PPP1R15B: variants seen among roughly 807,000 people sequenced by gnomAD.
PPP1R15B encodes the protein protein phosphatase 1 regulatory subunit 15B.
Under a neutral mutation model 53.9 loss-of-function variants are expected in PPP1R15B, and 31 were observed. The ratio of observed to expected loss-of-function variants is 0.58; its 90% CI spans 0.43 to 0.78. The LOEUF (loss-of-function observed/expected upper bound fraction) is 0.78, where lower values mean the gene tolerates loss of function less well. Among genes scored for constraint, PPP1R15B ranks in the 30% least tolerant of loss-of-function variants. The pLI is 0.00. For synonymous variants in PPP1R15B, 345 were observed against 329.1 expected (o/e 1.05, Z -0.52); for missense variants, 928 against 849.6 (o/e 1.09, Z -1.15).
downstream of PPP1R15B, among the ~76,000 whole-genome samples, chr1:204,402,186 A>C (rs1674189183): frequency 6.6e-6 from 1 of 152,170 alleles, no homozygotes; most frequent in Admixed American, 6.6e-5. Flanking sequence ...ACTGCAACTA[A>C]ATGTTAGTTT....
Position 204,403,590 on chromosome 1 carries a change from T to C in PPP1R15B, c.*2502A>G. Reference sequence around the variant, plus strand: ...GATAGTTTTGATTTCAAGTTAAAGATGAAGAAGTGTTACATTTCATCACTC... The same window carrying C: ...GATAGTTTTGATTTCAAGTTAAAGACGAAGAAGTGTTACATTTCATCACTC... On this transcript the variant is annotated 3_prime_UTR_variant, in exon 2 of 2. Transcript: ENST00000367188. 1.0e-6 allele frequency: 1 copy of C among 985,178 alleles called. No individual in the cohort carries two copies. The highest frequency in any genetic ancestry group is 1.2e-6 in the Non-Finnish European group (1 of 829,308). 61.0% of individuals were successfully genotyped at this position (985,178 alleles called of 1,614,324 possible). A position where few individuals can be genotyped will look rare whatever the true frequency, so the allele number is the denominator to read the frequency against.
rs200915717 is a variant in PPP1R15B at position 204,405,620 on chromosome 1, T to TA, written c.*471dup. On this transcript the variant is annotated 3_prime_UTR_variant, in exon 2 of 2. Coordinates refer to ENST00000367188, the MANE Select transcript of PPP1R15B (RefSeq NM_032833.5). ...ACATAGACAGGCCAAATCATTGAAA[T>TA]AAAAAAAATATAGAAAAACATAAAA... 6 of 980,620 alleles carry TA rather than the reference T, an allele frequency of 6.1e-6. No homozygotes were observed. The highest frequency in any genetic ancestry group is 3.5e-5 in the African/African-American group (2 of 56,822). The allele number at this position is 980,620 out of a possible 1,614,324, so 60.7% of individuals were successfully genotyped here. A position where few individuals can be genotyped will look rare whatever the true frequency, so the allele number is the denominator to read the frequency against.
At chr1:204,400,343 T>C (rs1217199131), downstream of PPP1R15B, among the ~76,000 whole-genome samples, 1 of 150,134 alleles carries the variant, frequency 6.7e-6, no homozygotes. Context: ...TTAATCCATC[T>C]TTTTTATTTT....
At position 204,405,748 on chromosome 1, in the gene PPP1R15B, T is replaced by C; in HGVS notation, c.*344A>G. ...AGAAATGAAAATGGGCTTTAAGCCC[T>C]ATAAATATTGTTTTCCAAGAAAATA... On this transcript the variant is annotated 3_prime_UTR_variant, in exon 2 of 2. Transcript: ENST00000367188. 1 of 1,025,582 alleles carries C rather than the reference T, an allele frequency of 9.8e-7. No individual in the cohort carries two copies. The highest frequency in any genetic ancestry group is 1.2e-6 in the Non-Finnish European group (1 of 853,612). 63.5% of individuals were successfully genotyped at this position (1,025,582 alleles called of 1,614,324 possible).
chr1:204,407,354 TA>T (rs567683464), intron 1 of PPP1R15B, among the ~76,000 whole-genome samples: 3 of 152,308 alleles, frequency 2.0e-5, no homozygotes, highest in African/African-American at 7.2e-5. Flanking sequence ...GCTATCACTA[TA>T]TATGAAATTG....
In PPP1R15B at chr1:204,411,624, C is replaced by T. The variant is rs1238979810; in HGVS notation, c.-213G>A. On this transcript the variant is annotated 5_prime_UTR_variant, in exon 1 of 2. Transcript: ENST00000367188. ...GAAGAACAGCCCGCGCAATAGGCGGCGACTGATGCGACTTCCATCCTGGCG... is the reference window on the plus strand; with the variant it reads ...GAAGAACAGCCCGCGCAATAGGCGGTGACTGATGCGACTTCCATCCTGGCG... 3.2e-6 allele frequency: 2 copies of T among 615,630 alleles called. No individual in the cohort carries two copies. Among genetic ancestry groups the T allele is most frequent in the African/African-American group, 1.8e-5 (1 of 54,144 alleles). The allele number at this position is 615,630 out of a possible 1,614,324, so 38.1% of individuals were successfully genotyped here.
At chr1:204,399,745 T>G (rs1431943575), downstream of PPP1R15B, among the ~76,000 whole-genome samples, 1 of 151,932 alleles carries the variant, frequency 6.6e-6, no homozygotes, top group African/African-American at 2.4e-5. Context: ...GAACATAATT[T>G]TAAAAGGTAC....
In PPP1R15B at chr1:204,411,505, G is replaced by C. The variant is rs1370558892; in HGVS notation, c.-94C>G. On this transcript the variant is annotated 5_prime_UTR_variant, in exon 1 of 2. Transcript: ENST00000367188. The stretch of plus-strand genomic sequence containing the variant: ...AGGAAGCCTACAGAGTCTCGGCCTT[G>C]CCCAGCGGTGGCGTCGCTGCTCCAG... The C allele has an allele frequency of 5.8e-5, 86 of 1,484,894 alleles. No homozygotes were observed. The highest frequency in any genetic ancestry group is 7.7e-5 in the Non-Finnish European group (86 of 1,114,804). 92.0% of individuals were successfully genotyped at this position (1,484,894 alleles called of 1,614,324 possible).
At position 204,411,154 on chromosome 1, in the gene PPP1R15B, T is replaced by C. The variant is rs368521809; in HGVS notation, c.258A>G (p.Gln86=). The change falls in exon 1 of 2, where the codon CAA becomes CAG. Residue 86 remains glutamine, a synonymous_variant. Transcript: ENST00000367188. ...GLLQKVLIWS[Q]LFGGMFPTRW... ...TGGTCGGAAACATTCCACCGAAAAGTTGGCTCCAAATTAGCACCTTCTGAA... is the reference window on the plus strand; with the variant it reads ...TGGTCGGAAACATTCCACCGAAAAGCTGGCTCCAAATTAGCACCTTCTGAA... 122 of 1,614,066 alleles carry C rather than the reference T, an allele frequency of 7.6e-5. No homozygotes were observed. Among genetic ancestry groups the C allele is most frequent in the Non-Finnish European group, 9.7e-5 (115 of 1,180,046 alleles).
At chr1:204,402,217 T>A (rs1674189512), downstream of PPP1R15B, among the ~76,000 whole-genome samples, 1 of 152,216 alleles carries the variant, frequency 6.6e-6, no homozygotes, top group African/African-American at 2.4e-5. Context: ...AGTTCAGAAA[T>A]ATATCTTAAT....
downstream of PPP1R15B, among the ~76,000 whole-genome samples, chr1:204,399,358 C>T (rs1028088954): frequency 4.6e-5 from 7 of 152,082 alleles, no homozygotes; most frequent in African/African-American, 1.2e-4. Flanking sequence ...CCCAAGAGTT[C>T]GAGACCAGCC....
Position 204,404,753 on chromosome 1 carries a change from CCTGT to C in PPP1R15B, c.*1335_*1338del. On this transcript the variant is annotated 3_prime_UTR_variant, in exon 2 of 2. Transcript: ENST00000367188. Reference sequence around the variant, plus strand: ...CCTATTCTACTTATGTTTTCCATTACCTGTGACAGGAAGCACACGGAATGAAAGC... The same window carrying C: ...CCTATTCTACTTATGTTTTCCATTACGACAGGAAGCACACGGAATGAAAGC... 1.0e-6 allele frequency: 1 copy of C among 985,788 alleles called. No homozygotes were observed. Among genetic ancestry groups the C allele is most frequent in the Non-Finnish European group, 1.2e-6 (1 of 829,924 alleles). The allele number at this position is 985,788 out of a possible 1,614,324, so 61.1% of individuals were successfully genotyped here.
downstream of PPP1R15B, among the ~76,000 whole-genome samples, chr1:204,397,829 A>C (rs1674116249): frequency 6.6e-6 from 1 of 152,060 alleles, no homozygotes; most frequent in Non-Finnish European, 1.5e-5. Context: ...AAGAGTAGTC[A>C]TGACGACCTT....
downstream of PPP1R15B, among the ~76,000 whole-genome samples, chr1:204,400,486 C>CTTT (rs11442135): frequency 1.4e-5 from 2 of 143,430 alleles, no homozygotes; most frequent in Non-Finnish European, 3.0e-5. Context: ...ATTTCTTTTT[C>CTTT]TTTTTTTTTT....
Position 204,410,762 on chromosome 1 carries a change from C to A in PPP1R15B, c.650G>T (p.Ser217Ile). The change falls in exon 1 of 2, where the codon AGT (serine) becomes ATT (isoleucine). Residue 217 changes from serine to isoleucine, a missense_variant. Transcript: ENST00000367188. ...AGGGTTCAGCAAATAGGATACCACA[C>A]TGAAATTGTCTATGCGTTGAATGTT... ...PLNIQRIDNF[S>I]VVSYLLNPSY... is the part of the protein sequence containing the mutation. The A allele has an allele frequency of 6.2e-7, 1 of 1,614,220 alleles. No individual in the cohort carries two copies. The highest frequency in any genetic ancestry group is 8.5e-7 in the Non-Finnish European group (1 of 1,180,044).
rs1290562353 is a variant in PPP1R15B at position 204,405,336 on chromosome 1, G to A, written c.*756C>T. 2 of 981,716 alleles carry A rather than the reference G, an allele frequency of 2.0e-6. No homozygotes were observed. Among genetic ancestry groups the A allele is most frequent in the Non-Finnish European group, 2.4e-6 (2 of 826,554 alleles). The allele number at this position is 981,716 out of a possible 1,614,324, so 60.8% of individuals were successfully genotyped here. ...ATATTAAACTGGGAACTACAATAAC[G>A]TACACAGAACCCTCTTCAAAGAAAT... On this transcript the variant is annotated 3_prime_UTR_variant, in exon 2 of 2. Coordinates refer to ENST00000367188, the MANE Select transcript of PPP1R15B (RefSeq NM_032833.5).
chr1:204,403,614 T>C lies in PPP1R15B; in HGVS notation c.*2478A>G, dbSNP rs1401549169. ...ATGAAGAAGTGTTACATTTCATCAC[T>C]CAGAAATGGAACTTTTACCTGTCTG... On this transcript the variant is annotated 3_prime_UTR_variant, in exon 2 of 2. Transcript: ENST00000367188. 2 of 984,980 alleles carry C rather than the reference T, an allele frequency of 2.0e-6. No homozygotes were observed. The highest frequency in any genetic ancestry group is 1.7e-5 in the African/African-American group (1 of 57,212). The allele number at this position is 984,980 out of a possible 1,614,324, so 61.0% of individuals were successfully genotyped here. A position where few individuals can be genotyped will look rare whatever the true frequency, so the allele number is the denominator to read the frequency against.
chr1:204,398,614 C>G (rs1315729602), downstream of PPP1R15B, among the ~76,000 whole-genome samples: 2 of 152,190 alleles, frequency 1.3e-5, no homozygotes, highest in Non-Finnish European at 2.9e-5. Context: ...ATGGGCAGGG[C>G]AGGGCAGTTT....
chr1:204,406,400 T>C lies in PPP1R15B; in HGVS notation c.1921-87A>G, dbSNP rs1241184955. ...ATAACCCTTTATGCTACCAATTCTT[T>C]CAGAATATTCCCAACTAAGAATAAC... On this transcript the variant is annotated intron_variant, in intron 1 of 1. Coordinates refer to ENST00000367188, the MANE Select transcript of PPP1R15B (RefSeq NM_032833.5). 4 of 1,462,984 alleles carry C rather than the reference T, an allele frequency of 2.7e-6. No individual in the cohort carries two copies. In the South Asian group the frequency reaches 5.2e-5, roughly 19 times the overall value. 90.6% of individuals were successfully genotyped at this position (1,462,984 alleles called of 1,614,324 possible). A position where few individuals can be genotyped will look rare whatever the true frequency, so the allele number is the denominator to read the frequency against.
Sources: gnomAD v4.1 joint callset for allele counts (sites outside exome capture counted in the v4.1 genomes callset) on GRCh38, gnomAD v4.1.1 for gene constraint, MANE v1.5 for transcripts, NCBI Gene and HGNC (gene_info 2026-07-23, HGNC 2026-07-21) for gene names.